The following LRRC47 variants were observed in gnomAD, a reference collection of about 807,000 sequenced individuals.
The protein encoded by LRRC47 is leucine-rich repeat-containing protein 47.
In LRRC47, 31 loss-of-function variants were observed where a neutral mutation model predicts 40.9. The ratio of observed to expected loss-of-function variants is 0.76; its 90% CI spans 0.57 to 1.02. The LOEUF (loss-of-function observed/expected upper bound fraction) is 1.02, where lower values mean the gene tolerates loss of function less well. Among genes scored for constraint, LRRC47 ranks in the 50% least tolerant of loss-of-function variants. LRRC47 has a pLI of 0.00. For synonymous variants in LRRC47, 427 were observed against 371.9 expected (o/e 1.15, Z -1.70); for missense variants, 726 against 796.1 (o/e 0.91, Z 1.06).
intron 1 of LRRC47, among the ~76,000 whole-genome samples, chr1:3,791,305 C>T (rs553054736): frequency 5.6e-4 from 85 of 152,342 alleles, no homozygotes; most frequent in Middle Eastern, 3.4e-3. Flanking sequence ...CCAGCACTAC[C>T]TCCCCCATCT....
chr1:3,785,360 C>T (rs1235333252), intron 2 of LRRC47, 157 bp from the exon 3 acceptor site: 1 of 397,582 alleles, frequency 2.5e-6, no homozygotes. Flanking sequence ...GGGCTCCCCT[C>T]CAACTCCTCT....
intron 1 of LRRC47, among the ~76,000 whole-genome samples, chr1:3,787,767 T>TAA (rs111809412): frequency 3.0e-4 from 45 of 148,114 alleles, no homozygotes; most frequent in African/African-American, 1.0e-3. Flanking sequence ...TTAAATGAGC[T>TAA]AAAAAAAAAA....
intron 5 of LRRC47, 146 bp from the exon 6 acceptor site, chr1:3,781,747 A>G: frequency 1.5e-6 from 1 of 678,624 alleles, no homozygotes. Flanking sequence ...TGGGAGGTTG[A>G]TGTGGGAGGA....
chr1:3,784,646 G>A (rs1037493295), intron 3 of LRRC47, among the ~76,000 whole-genome samples: 2 of 152,216 alleles, frequency 1.3e-5, no homozygotes, highest in Admixed American at 6.5e-5. Context: ...AACCGCAAAC[G>A]CGGTCTGTTT....
At chr1:3,782,951 C>T (rs1406620960) in intron 4 of LRRC47, 188 bp from the exon 5 acceptor site, 6 of 589,762 alleles carry the variant, frequency 1.0e-5, no homozygotes, top group Non-Finnish European at 1.8e-5. Flanking sequence ...CTATGGTGAG[C>T]TCCTGGGAGT....
rs374820243 is a variant in LRRC47, at chr1:3,784,022, C to A, written c.1284G>T (p.Lys428Asn). The A allele has an allele frequency of 6.2e-7, 1 of 1,610,682 alleles. No homozygotes were observed. Among genetic ancestry groups the A allele is most frequent in the Non-Finnish European group, 8.5e-7 (1 of 1,179,826 alleles). The change falls in exon 4 of 7, where the codon AAG (lysine) becomes AAT (asparagine). Residue 428 changes from lysine to asparagine, a missense_variant. Physicochemically the swap from Lys to Asn is moderately conservative, Grantham distance 94 (BLOSUM62 0). Transcript: ENST00000378251. ...LEAEEQRKQK[K>N]RQSVSGLHRY... The stretch of plus-strand genomic sequence containing the variant: ...TGTGCAGGCCCGACACACTCTGCCG[C>A]TTCTTCTGCTTCCTCTGCTCCTCGG...
At chr1:3,789,920 TGTGTG>T (rs1327503445) in intron 1 of LRRC47, among the ~76,000 whole-genome samples, 5 of 152,128 alleles carry the variant, frequency 3.3e-5, no homozygotes, top group Non-Finnish European at 5.9e-5. Context: ...AGTTTTCACT[TGTGTG>T]AGGGAGCAAG....
At chr1:3,789,615 G>A (rs1381132838) in intron 1 of LRRC47, among the ~76,000 whole-genome samples, 2 of 152,234 alleles carry the variant, frequency 1.3e-5, no homozygotes, top group African/African-American at 4.8e-5. Context: ...TTCCTTCCAG[G>A]CAAAGACTGT....
chr1:3,792,464 CTTT>C (rs34288803), intron 1 of LRRC47, among the ~76,000 whole-genome samples: 1 of 142,412 alleles, frequency 7.0e-6, no homozygotes. Context: ...TGGACGCACA[CTTT>C]TTTTTTTTTT....
rs760956100 is a variant in LRRC47, at chr1:3,787,050, T to C, written c.876A>G (p.Glu292=). The C allele has an allele frequency of 2.5e-6, 4 of 1,613,332 alleles. No homozygotes were observed. Among genetic ancestry groups the C allele is most frequent in the East Asian group, 2.2e-5 (1 of 44,846 alleles). ...CGTCCTGCTCCTCCCCATCACCACC[T>C]TCCCGCCTCTGCTTCCTCTCCCTCC... ...RKRRERKQRR[E]GGDGEEQDVG... The change falls in exon 2 of 7, where the codon GAA becomes GAG. Residue 292 remains glutamate (E), a synonymous_variant. Transcript: ENST00000378251.
chr1:3,796,108 G>C lies in LRRC47; in HGVS notation c.369C>G (p.Ala123=), dbSNP rs1051737882. The change falls in exon 1 of 7, where the codon GCC becomes GCG. Residue 123 remains alanine (A), a synonymous_variant. Coordinates refer to ENST00000378251, the MANE Select transcript of LRRC47 (RefSeq NM_020710.3). The part of the protein sequence containing the change: ...ALPPGQGLGP[A]EPPGLPQLQS... ...GCAGCTGCGGAAGGCCCGGCGGCTC[G>C]GCGGGGCCCAGGCCTTGGCCCGGCG... 4 of 1,463,310 alleles carry C rather than the reference G, an allele frequency of 2.7e-6. No individual in the cohort carries two copies. The highest frequency in any genetic ancestry group is 3.0e-5 in the African/African-American group (2 of 67,594). The allele number at this position is 1,463,310 out of a possible 1,614,324, so 90.6% of individuals were successfully genotyped here. A position where few individuals can be genotyped will look rare whatever the true frequency, so the allele number is the denominator to read the frequency against.
chr1:3,794,015 G>T (rs1205070657), intron 1 of LRRC47, among the ~76,000 whole-genome samples: 1 of 152,120 alleles, frequency 6.6e-6, no homozygotes, highest in African/African-American at 2.4e-5. Flanking sequence ...CTAACACAGT[G>T]AAACTCCATC....
At chr1:3,784,346 T>C (rs947336973) in intron 3 of LRRC47, among the ~76,000 whole-genome samples, 5 of 152,162 alleles carry the variant, frequency 3.3e-5, no homozygotes, top group African/African-American at 4.8e-5. Flanking sequence ...AGGCAGGGCT[T>C]AACCTTAAAG....
chr1:3,786,730 C>T (rs957727183), intron 2 of LRRC47, 119 bp downstream of exon 2: 40 of 954,068 alleles, frequency 4.2e-5, no homozygotes, highest in Non-Finnish European at 5.3e-5. Flanking sequence ...ACACAGACAC[C>T]CGGCTGGGCC....
At chr1:3,781,713 C>T in intron 5 of LRRC47, 112 bp from the exon 6 acceptor site, 1 of 836,864 alleles carries the variant, frequency 1.2e-6, no homozygotes, top group East Asian at 2.7e-5. Context: ...GGCACAGTGG[C>T]TCACACCTGT....
rs761299500 is a variant in LRRC47, at chr1:3,781,541, A to C, written c.1474T>G (p.Cys492Gly). The change falls in exon 6 of 7, where the codon TGC becomes GGC. Residue 492 changes from cysteine (C) to glycine (G), a missense_variant. Coordinates refer to ENST00000378251, the MANE Select transcript of LRRC47 (RefSeq NM_020710.3). Reference sequence around the variant, plus strand: ...ATGAGGGCATCCATGACATCCTTGCAAATCTGCAGACTGGTGGCACTTGTT... The same window carrying C: ...ATGAGGGCATCCATGACATCCTTGCCAATCTGCAGACTGGTGGCACTTGTT... ...EVTSATSLQICKDVMDALILK... is the reference protein window; with the variant it reads ...EVTSATSLQIGKDVMDALILK... 1 of 1,614,056 alleles carries C rather than the reference A, an allele frequency of 6.2e-7. No individual in the cohort carries two copies. The highest frequency in any genetic ancestry group is 1.1e-5 in the South Asian group (1 of 91,074).
In LRRC47 at chr1:3,782,382, C is replaced by T. The variant is rs966904682; in HGVS notation, c.1413+279G>A. Among the ~76,000 whole-genome samples the T allele has an allele frequency of 5.3e-5, 8 of 152,218 alleles. No homozygotes were observed. The East Asian group carries it at 1.4e-3, about 26-fold the overall frequency. On this transcript the variant is annotated intron_variant, in intron 5 of 6. Coordinates refer to ENST00000378251, the MANE Select transcript of LRRC47 (RefSeq NM_020710.3). ...TACAGGTATGTGCCACTATGCTCAG[C>T]CTTCCAGGTTCAAGTGATTCTCCTG...
chr1:3,791,291 A>G (rs1271918420), intron 1 of LRRC47, among the ~76,000 whole-genome samples: 1 of 152,186 alleles, frequency 6.6e-6, no homozygotes, highest in Non-Finnish European at 1.5e-5. Flanking sequence ...AGCAGCCACA[A>G]TGACCAGCAC....
chr1:3,796,103 G>A lies in LRRC47; in HGVS notation c.374C>T (p.Pro125Leu). Residue 125 changes from proline (P) to leucine (L), a missense_variant, in exon 1 of 7, where the codon CCG becomes CTG. Pro to Leu is a moderately conservative substitution (Grantham distance 98). Coordinates refer to ENST00000378251, the MANE Select transcript of LRRC47 (RefSeq NM_020710.3). Reference sequence around the variant, plus strand: ...GCTCTGCAGCTGCGGAAGGCCCGGCGGCTCGGCGGGGCCCAGGCCTTGGCC... The same window carrying A: ...GCTCTGCAGCTGCGGAAGGCCCGGCAGCTCGGCGGGGCCCAGGCCTTGGCC... The part of the protein sequence containing the change: ...PPGQGLGPAE[P>L]PGLPQLQSLN... 2 of 1,464,740 alleles carry A rather than the reference G, an allele frequency of 1.4e-6. No homozygotes were observed. Among genetic ancestry groups the A allele is most frequent in the South Asian group, 2.7e-5 (2 of 74,130 alleles). The allele number at this position is 1,464,740 out of a possible 1,614,324, so 90.7% of individuals were successfully genotyped here. A position where few individuals can be genotyped will look rare whatever the true frequency, so the allele number is the denominator to read the frequency against.
Sources: gnomAD v4.1 joint callset for allele counts (sites outside exome capture counted in the v4.1 genomes callset) on GRCh38, gnomAD v4.1.1 for gene constraint, MANE v1.5 for transcripts, NCBI Gene and HGNC (gene_info 2026-07-23, HGNC 2026-07-21) for gene names.